The following ZNF444 variants were observed in gnomAD, a reference collection of about 807,000 sequenced individuals.
The protein encoded by ZNF444 is endothelial zinc finger protein 2.
In ZNF444, 8 loss-of-function variants were observed where a neutral mutation model predicts 14.4. The ratio of observed to expected loss-of-function variants is 0.56; its 90% CI spans 0.33 to 1.00. ZNF444 has a LOEUF of 1.00. Ranked by LOEUF, ZNF444 falls within the 50% of genes least tolerant of loss-of-function variation. The pLI, the probability that ZNF444 is intolerant of heterozygous loss-of-function variation, is 0.03. For missense variants in ZNF444, 510 were observed against 504.8 expected (o/e 1.01, Z -0.10); for synonymous variants, 258 against 235.9 (o/e 1.09, Z -0.86).
rs1366647656 is a variant in ZNF444 at position 56,145,551 on chromosome 19, A to G, written c.-196-696A>G. On this transcript the variant is annotated intron_variant, in intron 1 of 4. Coordinates refer to ENST00000337080, the MANE Select transcript of ZNF444 (RefSeq NM_018337.4). The surrounding 1 kb of genome is among the most constrained non-coding windows in gnomAD (Gnocchi z 4.3). ...CAGTGAACCAAGATCGCACCATTGC[A>G]CTCCATCCTGGGCAACAGAGCGAGA... Among the ~76,000 whole-genome samples, 2 of 152,008 alleles carry G rather than the reference A, an allele frequency of 1.3e-5. No homozygotes were observed. Among genetic ancestry groups the G allele is most frequent in the South Asian group, 4.2e-4 (2 of 4,818 alleles).
chr19:56,150,026 G>A (rs569172220), intron 3 of ZNF444: 2 of 161,352 alleles, frequency 1.2e-5, no homozygotes, highest in African/African-American at 4.8e-5. Context: ...CCATTATTCT[G>A]TCTGCCACAG....
At chr19:56,139,728 A>AAAAT (rs397750491), upstream of ZNF444, among the ~76,000 whole-genome samples, 6 of 151,224 alleles carry the variant, frequency 4.0e-5, no homozygotes, top group African/African-American at 1.2e-4. Context: ...AAAAAAAAAA[A>AAAAT]GAAAAAAGAA....
upstream of ZNF444, among the ~76,000 whole-genome samples, chr19:56,136,567 C>T (rs1192937722): frequency 6.6e-6 from 1 of 152,142 alleles, no homozygotes; most frequent in Non-Finnish European, 1.5e-5. Context: ...TGAACTCGTA[C>T]TCCCTGCCAG....
Position 56,145,255 on chromosome 19 carries a change from A to G in ZNF444, c.-196-992A>G, listed in dbSNP as rs1391713348. On this transcript the variant is annotated intron_variant, in intron 1 of 4. Transcript: ENST00000337080. This position sits in a 1 kb window ranked among gnomAD's most constrained non-coding sequence, Gnocchi z 4.3. ...TGTTACGTATCATAGTAGAAACCAA[A>G]ACAGAAAATTGTAAAGTATTTATTA... 6.6e-6 allele frequency among the ~76,000 whole-genome samples: 1 copy of G among 152,220 alleles called. No individual in the cohort carries two copies. Among genetic ancestry groups the G allele is most frequent in the Non-Finnish European group, 1.5e-5 (1 of 68,036 alleles).
intron 3 of ZNF444, chr19:56,149,849 G>A (rs1213452870): frequency 6.5e-6 from 1 of 152,994 alleles, no homozygotes; most frequent in Non-Finnish European, 1.5e-5. Flanking sequence ...ATTCCATGGT[G>A]TACTGTGGTC....
chr19:56,158,903 C>T (rs759197917), intron 4 of ZNF444, among the ~76,000 whole-genome samples: 7 of 151,848 alleles, frequency 4.6e-5, no homozygotes, highest in Non-Finnish European at 8.8e-5. Flanking sequence ...TTCTCCCAGG[C>T]ATCCATCCAT....
chr19:56,135,716 C>A (rs1431514109), intron 1 of ZNF444, among the ~76,000 whole-genome samples: 1 of 151,712 alleles, frequency 6.6e-6, no homozygotes, highest in Non-Finnish European at 1.5e-5. Context: ...AGAATAGTGT[C>A]ACATATGTGA....
intron 4 of ZNF444, among the ~76,000 whole-genome samples, chr19:56,158,865 AC>A (rs2032075039): frequency 6.6e-6 from 1 of 150,898 alleles, no homozygotes; most frequent in Admixed American, 6.6e-5. Context: ...TCATATACCC[AC>A]CCATTCACCC....
rs1252651614 is a variant in ZNF444 at position 56,145,226 on chromosome 19, C to G, written c.-196-1021C>G. On this transcript the variant is annotated intron_variant, in intron 1 of 4. Transcript: ENST00000337080. The surrounding 1 kb of genome is among the most constrained non-coding windows in gnomAD (Gnocchi z 4.3). Reference sequence around the variant, plus strand: ...ATGCTTTTATTGATGGGAGTCATATCTATTGTTACGTATCATAGTAGAAAC... The same window carrying G: ...ATGCTTTTATTGATGGGAGTCATATGTATTGTTACGTATCATAGTAGAAAC... Among the ~76,000 whole-genome samples, 2 of 152,214 alleles carry G rather than the reference C, an allele frequency of 1.3e-5. No homozygotes were observed. Among genetic ancestry groups the G allele is most frequent in the Non-Finnish European group, 2.9e-5 (2 of 68,048 alleles).
Position 56,147,185 on chromosome 19 carries a change from G to T in ZNF444, c.274G>T (p.Val92Leu). 6.8e-7 allele frequency: 1 copy of T among 1,463,550 alleles called. No individual in the cohort carries two copies. Among genetic ancestry groups the T allele is most frequent in the South Asian group, 1.4e-5 (1 of 73,134 alleles). The allele number at this position is 1,463,550 out of a possible 1,614,324, so 90.7% of individuals were successfully genotyped here. Reference protein sequence around the residue: ...SRQPQSGEEAVALLEELWGPA... With the variant: ...SRQPQSGEEALALLEELWGPA... ...GCAGCCGCAGAGCGGGGAGGAGGCG[G>T]TGGCCCTGCTGGAGGAGCTCTGGGT... The change falls in exon 3 of 5, where the codon GTG (valine) becomes TTG (leucine). Residue 92 changes from valine (V) to leucine (L), a missense_variant. Val to Leu is a conservative substitution (Grantham distance 32). Transcript: ENST00000337080. This position sits in a 1 kb window ranked among gnomAD's most constrained non-coding sequence, Gnocchi z 5.9.
At position 56,158,313 on chromosome 19, in the gene ZNF444, C is replaced by T. The variant is rs373211939; in HGVS notation, c.298-181C>T. Reference sequence around the variant, plus strand: ...AGATGGCTCCCTGGCAGGGGGTTGGCAGGAGGCCTTGGTTCCTCACCTGGG... The same window carrying T: ...AGATGGCTCCCTGGCAGGGGGTTGGTAGGAGGCCTTGGTTCCTCACCTGGG... On this transcript the variant is annotated intron_variant, in intron 3 of 4. Coordinates refer to ENST00000337080, the MANE Select transcript of ZNF444 (RefSeq NM_018337.4). 3.6e-5 allele frequency: 19 copies of T among 534,470 alleles called. No homozygotes were observed. The African/African-American group carries it at 3.8e-4, about 11-fold the overall frequency. The allele number at this position is 534,470 out of a possible 1,614,324, so 33.1% of individuals were successfully genotyped here.
intron 3 of ZNF444, among the ~76,000 whole-genome samples, chr19:56,148,353 G>A (rs2031338545): frequency 6.6e-6 from 1 of 152,174 alleles, no homozygotes; most frequent in South Asian, 2.1e-4. Context: ...CCCAGTGGCA[G>A]GAGGGTGAAG....
upstream of ZNF444, among the ~76,000 whole-genome samples, chr19:56,140,708 C>G (rs2030741692): frequency 6.6e-6 from 1 of 152,166 alleles, no homozygotes; most frequent in African/African-American, 2.4e-5. Context: ...GATCCGTAGT[C>G]AAGGAGACGT....
intron 3 of ZNF444, chr19:56,150,225 A>G (rs1423469028): frequency 1.4e-5 from 3 of 217,114 alleles, no homozygotes; most frequent in Non-Finnish European, 2.8e-5. Flanking sequence ...TGGCATTAAA[A>G]TGTTCTTTTA....
intron 4 of ZNF444, among the ~76,000 whole-genome samples, chr19:56,159,162 A>G (rs971569940): frequency 6.9e-6 from 1 of 144,006 alleles, no homozygotes; most frequent in African/African-American, 2.6e-5. Flanking sequence ...CATCATCTGT[A>G]CATTCATCCA....
intron 1 of ZNF444, among the ~76,000 whole-genome samples, chr19:56,133,663 A>G (rs2030543764): frequency 1.3e-5 from 2 of 148,256 alleles, no homozygotes; most frequent in Non-Finnish European, 2.9e-5. Context: ...ATACAAAAAA[A>G]TTAGCCGGGC....
At chr19:56,154,313 T>G (rs2031765397) in intron 3 of ZNF444, 1 of 152,126 alleles carries the variant, frequency 6.6e-6, no homozygotes, top group African/African-American at 2.4e-5. Flanking sequence ...CATCTGTTCT[T>G]TTTTTTGAGG....
In ZNF444 at chr19:56,135,013, C is replaced by T. The variant is rs1328380318; in HGVS notation, c.-197+2235C>T. Among the ~76,000 whole-genome samples, 6 of 151,948 alleles carry T rather than the reference C, an allele frequency of 3.9e-5. No individual in the cohort carries two copies. The South Asian group carries it at 1.0e-3, about 26-fold the overall frequency. Reference sequence around the variant, plus strand: ...TTGGGAGGCCGAGGTGGGTGGATCACGAGGTCAGGAGATCGAGACCATCCT... The same window carrying T: ...TTGGGAGGCCGAGGTGGGTGGATCATGAGGTCAGGAGATCGAGACCATCCT... On this transcript the variant is annotated intron_variant, in intron 1 of 2. Coordinates refer to the ZNF444 transcript ENST00000587467.
rs1333572788 is a variant in ZNF444, at chr19:56,145,454, C to T, written c.-196-793C>T. Among the ~76,000 whole-genome samples the T allele has an allele frequency of 6.6e-6, 1 of 152,056 alleles. No homozygotes were observed. Among genetic ancestry groups the T allele is most frequent in the Admixed American group, 6.6e-5 (1 of 15,266 alleles). On this transcript the variant is annotated intron_variant, in intron 1 of 4. Coordinates refer to ENST00000337080, the MANE Select transcript of ZNF444 (RefSeq NM_018337.4). The surrounding 1 kb of genome is among the most constrained non-coding windows in gnomAD (Gnocchi z 4.3). ...TACAAAAATTATCCGGACGTGGTAA[C>T]GCACGTCTATAATCCCAGCTACTTG...
Sources: gnomAD v4.1 joint callset for allele counts (sites outside exome capture counted in the v4.1 genomes callset) on GRCh38, gnomAD v4.1.1 for gene constraint, Gnocchi (gnomAD v3.1) non-coding constraint, MANE v1.5 for transcripts, NCBI Gene and HGNC (gene_info 2026-07-23, HGNC 2026-07-21) for gene names.